Variants in PLPP3 observed in about 807,000 individuals in gnomAD.
PLPP3 encodes PAP2 beta.
In PLPP3, 6 loss-of-function variants were observed where a neutral mutation model predicts 29.6. That is an observed-to-expected ratio of 0.20 (90% CI 0.11 to 0.40). The LOEUF (loss-of-function observed/expected upper bound fraction) is 0.40. Ranked by LOEUF, PLPP3 falls within the 10% of genes least tolerant of loss-of-function variation. The pLI is 1.00. For synonymous variants in PLPP3, 152 were observed against 159.7 expected (o/e 0.95, Z 0.36); for missense variants, 308 against 407.7 (o/e 0.76, Z 2.11).
At chr1:56,510,978 A>G (rs1645737504) in intron 5 of PLPP3, among the ~76,000 whole-genome samples, 1 of 152,198 alleles carries the variant, frequency 6.6e-6, no homozygotes, top group African/African-American at 2.4e-5. Flanking sequence ...CCAGGAAAGG[A>G]TAAGAAGCTG....
chr1:56,554,406 A>G (rs1188367418), intron 1 of PLPP3, among the ~76,000 whole-genome samples: 1 of 151,930 alleles, frequency 6.6e-6, no homozygotes, highest in Non-Finnish European at 1.5e-5. Context: ...CCCTGACTCT[A>G]CTAAAAATAC....
intron 1 of PLPP3, among the ~76,000 whole-genome samples, chr1:56,576,275 TATTAG>T (rs1646235256): frequency 6.6e-6 from 1 of 152,266 alleles, no homozygotes; most frequent in Non-Finnish European, 1.5e-5. Flanking sequence ...CTTCTTAATA[TATTAG>T]TGCCCTGTAA....
intron 2 of PLPP3, among the ~76,000 whole-genome samples, chr1:56,529,398 GGCACCTGCACCTCTAAGTTCCTGCTA>G (rs1428277323): frequency 2.0e-5 from 3 of 152,154 alleles, no homozygotes; most frequent in Admixed American, 6.5e-5. Flanking sequence ...CATCTTGAAA[GGCACCTGCACCTCTAAGTTCCTGCTA>G]GCCACAGAGG....
At chr1:56,525,196 G>A (rs1426435230) in intron 2 of PLPP3, among the ~76,000 whole-genome samples, 1 of 152,192 alleles carries the variant, frequency 6.6e-6, no homozygotes, top group Non-Finnish European at 1.5e-5. Context: ...GGTTCAAATA[G>A]GATAACATGA....
At chr1:56,551,304 C>CTTTGGTTTGCTTTGGTTTGCCTT (rs1326912977) in intron 1 of PLPP3, among the ~76,000 whole-genome samples, 1 of 137,760 alleles carries the variant, frequency 7.3e-6, no homozygotes, top group Non-Finnish European at 1.6e-5. Flanking sequence ...CGGTTCGGTT[C>CTTTGGTTTGCTTTGGTTTGCCTT]GGTTCGGTTC....
intron 1 of PLPP3, among the ~76,000 whole-genome samples, chr1:56,572,364 G>C (rs1418371554): frequency 6.6e-6 from 1 of 152,058 alleles, no homozygotes; most frequent in Non-Finnish European, 1.5e-5. Context: ...TGTTCTTTTA[G>C]TTTGGTTTTC....
chr1:56,506,759 T>C (rs764228843), intron 5 of PLPP3, among the ~76,000 whole-genome samples: 1 of 151,908 alleles, frequency 6.6e-6, no homozygotes, highest in Non-Finnish European at 1.5e-5. Context: ...ACTTAGTGAG[T>C]GTGTAGGCGG....
At chr1:56,540,311 G>A (rs1194770890) in intron 1 of PLPP3, among the ~76,000 whole-genome samples, 1 of 152,110 alleles carries the variant, frequency 6.6e-6, no homozygotes, top group African/African-American at 2.4e-5. Context: ...CCCTCAAGAA[G>A]CTTACAATCC....
intron 4 of PLPP3, among the ~76,000 whole-genome samples, chr1:56,521,913 G>A (rs1046823775): frequency 6.6e-6 from 1 of 152,152 alleles, no homozygotes; most frequent in African/African-American, 2.4e-5. Context: ...GTTGGGGACC[G>A]GAGGGAGGGG....
chr1:56,522,213 C>T, intron 4 of PLPP3, among the ~76,000 whole-genome samples: 1 of 152,152 alleles, frequency 6.6e-6, no homozygotes, highest in East Asian at 1.9e-4. Flanking sequence ...GCAAATGTCA[C>T]AGAGTAAGTA....
chr1:56,506,265 C>T (rs1346653289), intron 5 of PLPP3, among the ~76,000 whole-genome samples: 2 of 152,194 alleles, frequency 1.3e-5, no homozygotes, highest in African/African-American at 4.8e-5. Flanking sequence ...TCCTACTCTG[C>T]TACTATGTGT....
At chr1:56,497,282 A>T (rs555232448) in intron 5 of PLPP3, among the ~76,000 whole-genome samples, 1 of 152,318 alleles carries the variant, frequency 6.6e-6, no homozygotes, top group African/African-American at 2.4e-5. Context: ...ACTCATTCCC[A>T]GCGTCCTTTT....
chr1:56,510,323 G>A (rs1427623847), intron 5 of PLPP3, among the ~76,000 whole-genome samples: 1 of 152,168 alleles, frequency 6.6e-6, no homozygotes, highest in East Asian at 1.9e-4. Context: ...CTCATTAACG[G>A]TTTGCTCCCC....
chr1:56,552,167 A>C (rs1387583731), intron 1 of PLPP3, among the ~76,000 whole-genome samples: 5 of 151,080 alleles, frequency 3.3e-5, no homozygotes, highest in African/African-American at 7.3e-5. Flanking sequence ...AAAATTGGGG[A>C]TTATCCTCTG....
At chr1:56,501,503 T>A (rs144323032) in intron 5 of PLPP3, among the ~76,000 whole-genome samples, 2 of 152,300 alleles carry the variant, frequency 1.3e-5, no homozygotes, top group East Asian at 3.9e-4. Flanking sequence ...TAAGCAGTCA[T>A]GTCCCATTCC....
intron 1 of PLPP3, among the ~76,000 whole-genome samples, chr1:56,553,951 T>C (rs1646056561): frequency 6.6e-6 from 1 of 152,204 alleles, no homozygotes; most frequent in Non-Finnish European, 1.5e-5. Flanking sequence ...ATGTGCCTTC[T>C]GTAAGAAGGA....
intron 5 of PLPP3, among the ~76,000 whole-genome samples, chr1:56,509,906 G>GTT (rs1645728878): frequency 6.7e-6 from 1 of 149,784 alleles, no homozygotes; most frequent in African/African-American, 2.4e-5. Context: ...TAGGTGCTTT[G>GTT]TAAACGCTAG....
At chr1:56,496,699 G>C in intron 5 of PLPP3, 23 bp from the exon 6 acceptor site, 1 of 1,612,146 alleles carries the variant, frequency 6.2e-7, no homozygotes, top group Non-Finnish European at 8.5e-7. Flanking sequence ...ATCAGAGATC[G>C]AAGTCAGTAA....
Position 56,524,214 on chromosome 1 carries a change from G to A in PLPP3, c.575+63C>T. 6 of 1,574,604 alleles carry A rather than the reference G, an allele frequency of 3.8e-6. No individual in the cohort carries two copies. In the South Asian group the frequency reaches 6.8e-5, roughly 18 times the overall value. On this transcript the variant is annotated intron_variant, in intron 3 of 5. Coordinates refer to ENST00000371250, the MANE Select transcript of PLPP3 (RefSeq NM_003713.5). The surrounding 1 kb of genome is among the most constrained non-coding windows in gnomAD (Gnocchi z 4.3). ...CTAAACCAGGGCCCAGCTAGTAAGT[G>A]CTCACTGAACTGCACTGTATGAAAG...
Sources: allele counts gnomAD v4.1 joint callset (sites outside exome capture counted in the v4.1 genomes callset), GRCh38; gene constraint gnomAD v4.1.1; non-coding constraint Gnocchi (gnomAD v3.1); transcripts MANE v1.5; gene names NCBI Gene and HGNC (gene_info 2026-07-23, HGNC 2026-07-21).